MYH11: variants seen among roughly 807,000 people sequenced by gnomAD.
MYH11 encodes the protein myosin heavy chain 11.
Under a neutral mutation model 246.6 loss-of-function variants are expected in MYH11, and 80 were observed. That is an observed-to-expected ratio of 0.32 (90% CI 0.27 to 0.39). The LOEUF (loss-of-function observed/expected upper bound fraction) is 0.39, where lower values mean the gene tolerates loss of function less well. Among genes scored for constraint, MYH11 ranks in the 10% least tolerant of loss-of-function variants. The pLI is 1.00. For missense variants in MYH11, 2,158 were observed against 2,546.8 expected (o/e 0.85, Z 3.29); for synonymous variants, 1,071 against 1,015.5 (o/e 1.05, Z -1.04).
intron 4 of MYH11, among the ~76,000 whole-genome samples, chr16:15,793,000 G>A (rs567916765): frequency 2.0e-4 from 30 of 152,314 alleles, no homozygotes; most frequent in African/African-American, 6.7e-4. Context: ...CTCCCGAAGT[G>A]CTAGGATTAC....
At chr16:15,830,112 G>T (rs1358799119) in intron 2 of MYH11, among the ~76,000 whole-genome samples, 2 of 147,670 alleles carry the variant, frequency 1.4e-5, no homozygotes, top group African/African-American at 5.0e-5. Context: ...TCCAGCCTGG[G>T]TGATACAGCG....
intron 1 of MYH11, among the ~76,000 whole-genome samples, chr16:15,853,206 T>C (rs1039139618): frequency 6.6e-6 from 1 of 152,076 alleles, no homozygotes; most frequent in African/African-American, 2.4e-5. Context: ...AGAACAGTGA[T>C]GCAATCAGGG....
At chr16:15,719,734 G>C (rs777078617) in intron 34 of MYH11, 21 bp from the exon 35 acceptor site, 1 of 1,613,916 alleles carries the variant, frequency 6.2e-7, no homozygotes, top group South Asian at 1.1e-5. Flanking sequence ...CAACAGGGAG[G>C]ACAAGCTCAG....
At chr16:15,761,683 A>G (rs1172608197) in intron 10 of MYH11, among the ~76,000 whole-genome samples, 1 of 152,210 alleles carries the variant, frequency 6.6e-6, no homozygotes, top group Non-Finnish European at 1.5e-5. Context: ...TGTGCAAGGC[A>G]GAGTAAATAG....
At chr16:15,816,243 G>C (rs1464127612) in intron 3 of MYH11, among the ~76,000 whole-genome samples, 2 of 152,164 alleles carry the variant, frequency 1.3e-5, no homozygotes, top group Non-Finnish European at 2.9e-5. Flanking sequence ...ACAGTTACTA[G>C]CTATAGAGAA....
intron 31 of MYH11, among the ~76,000 whole-genome samples, chr16:15,723,764 G>T (rs2040603320): frequency 6.6e-6 from 1 of 152,212 alleles, no homozygotes; most frequent in African/African-American, 2.4e-5. Context: ...GAATTTTACA[G>T]AATGAAATCT....
chr16:15,850,364 G>T (rs536976676), intron 1 of MYH11, among the ~76,000 whole-genome samples: 3 of 152,216 alleles, frequency 2.0e-5, no homozygotes, highest in Admixed American at 6.5e-5. Context: ...CAGCCTGGGC[G>T]ACAAGAGCAA....
At chr16:15,708,038 A>G (rs908817204) in intron 40 of MYH11, among the ~76,000 whole-genome samples, 51 of 151,142 alleles carry the variant, frequency 3.4e-4, no homozygotes, top group African/African-American at 1.2e-3. Context: ...CCCTGTGTGC[A>G]TCCTTGAGTC....
rs192557298 is a variant in MYH11, at chr16:15,763,573, C to T, written c.1129+223G>A. 4.6e-5 allele frequency among the ~76,000 whole-genome samples: 7 copies of T among 151,992 alleles called. No individual in the cohort carries two copies. In the East Asian group the frequency reaches 1.4e-3, roughly 29 times the overall value. On this transcript the variant is annotated intron_variant, in intron 10 of 40. Transcript: ENST00000300036. ...TAAAAAAAAGAACAAATAAATAAAA[C>T]TATTAGGTTTGTTTTTTTTTAATCC...
At chr16:15,769,091 T>A (rs1395679087) in intron 9 of MYH11, among the ~76,000 whole-genome samples, 1 of 152,068 alleles carries the variant, frequency 6.6e-6, no homozygotes, top group Non-Finnish European at 1.5e-5. Context: ...GATGGGTGGA[T>A]CATCTGAGGT....
intron 31 of MYH11, 137 bp from the exon 32 acceptor site, chr16:15,721,771 G>T: frequency 1.2e-6 from 1 of 833,576 alleles, no homozygotes; most frequent in Non-Finnish European, 2.0e-6. Flanking sequence ...AGCTATGGGA[G>T]TAATTTATAT....
At chr16:15,813,122 G>A (rs7200660) in intron 3 of MYH11, among the ~76,000 whole-genome samples, 35,303 of 152,026 alleles carry the variant, frequency 0.23, 4,895 homozygotes, top group African/African-American at 0.39. Context: ...AGCTGAGATC[G>A]TGCCATTGCA....
chr16:15,763,602 C>T (rs1030607660), intron 10 of MYH11, among the ~76,000 whole-genome samples, 194 bp downstream of exon 10: 5 of 151,752 alleles, frequency 3.3e-5, no homozygotes, highest in South Asian at 2.1e-4. Context: ...TTAATCCCTG[C>T]GCTCTGATTC....
chr16:15,778,554 A>G (rs1185446385), intron 7 of MYH11, among the ~76,000 whole-genome samples: 5 of 152,184 alleles, frequency 3.3e-5, no homozygotes, highest in Non-Finnish European at 7.4e-5. Context: ...AGATCATTTG[A>G]GCATCACATG....
chr16:15,765,317 G>A (rs1441174502), intron 9 of MYH11, among the ~76,000 whole-genome samples: 3 of 150,480 alleles, frequency 2.0e-5, no homozygotes, highest in Non-Finnish European at 2.9e-5. Context: ...GAGGATAGAC[G>A]GATGATGGAT....
intron 1 of MYH11, among the ~76,000 whole-genome samples, chr16:15,853,320 T>G (rs1327805165): frequency 6.6e-6 from 1 of 152,082 alleles, no homozygotes; most frequent in Admixed American, 6.5e-5. Flanking sequence ...CAGCTCATTT[T>G]AAAAATTTTT....
chr16:15,757,692 C>G (rs1263402413), intron 13 of MYH11, 135 bp downstream of exon 13: 3 of 1,121,408 alleles, frequency 2.7e-6, no homozygotes, highest in Non-Finnish European at 3.9e-6. Context: ...AGCTTACAGC[C>G]TTTCAGGACT....
At chr16:15,725,150 C>T in intron 28 of MYH11, 158 bp from the exon 29 acceptor site, 2 of 522,720 alleles carry the variant, frequency 3.8e-6, no homozygotes, top group Admixed American at 6.6e-5. Context: ...AAAAAAAAAA[C>T]ACACACACAC....
chr16:15,812,753 G>A (rs572032368), intron 3 of MYH11, among the ~76,000 whole-genome samples: 64 of 151,956 alleles, frequency 4.2e-4, no homozygotes, highest in South Asian at 4.2e-4. Flanking sequence ...CATGGCTGCA[G>A]TCCCAGCTAC....
Sources: gnomAD v4.1 joint callset for allele counts (sites outside exome capture counted in the v4.1 genomes callset) on GRCh38, gnomAD v4.1.1 for gene constraint, MANE v1.5 for transcripts, NCBI Gene and HGNC (gene_info 2026-07-23, HGNC 2026-07-21) for gene names.